The following XKR6 variants were observed in gnomAD, a reference collection of about 807,000 sequenced individuals.
XKR6 encodes the protein XK related 6.
In XKR6, 22 loss-of-function variants were observed where a neutral mutation model predicts 56.7. That is an observed-to-expected ratio of 0.39 (90% CI 0.28 to 0.55). The LOEUF is 0.55. XKR6 is among the 20% of genes least tolerant of loss of function. The pLI, the probability that XKR6 is intolerant of heterozygous loss-of-function variation, is 0.66. For missense variants in XKR6, 852 were observed against 889.0 expected (o/e 0.96, Z 0.53); for synonymous variants, 524 against 387.8 (o/e 1.35, Z -4.13).
chr8:10,971,025 A>G (rs1429518245), intron 1 of XKR6, among the ~76,000 whole-genome samples: 5 of 151,676 alleles, frequency 3.3e-5, no homozygotes, highest in Non-Finnish European at 7.4e-5. Context: ...AACTGCAGTC[A>G]CATTCAACTT....
intron 1 of XKR6, among the ~76,000 whole-genome samples, chr8:11,158,026 T>C (rs1023468469): frequency 1.3e-5 from 2 of 152,140 alleles, no homozygotes; most frequent in African/African-American, 4.8e-5. Flanking sequence ...AACTTAAAAG[T>C]TGGTGATTGG....
intron 1 of XKR6, among the ~76,000 whole-genome samples, chr8:10,989,169 G>T (rs1797931915): frequency 6.6e-6 from 1 of 152,146 alleles, no homozygotes; most frequent in African/African-American, 2.4e-5. Flanking sequence ...TGCCTCACAG[G>T]GGCAATATTC....
intron 1 of XKR6, among the ~76,000 whole-genome samples, chr8:10,993,410 G>A (rs1177736389): frequency 6.6e-6 from 1 of 152,238 alleles, no homozygotes; most frequent in Non-Finnish European, 1.5e-5. Flanking sequence ...TGGTGAGGAG[G>A]GAGGAGGCGG....
At chr8:11,198,697 T>C (rs1318297001) in intron 1 of XKR6, among the ~76,000 whole-genome samples, 2 of 152,210 alleles carry the variant, frequency 1.3e-5, no homozygotes, top group Non-Finnish European at 1.5e-5. Flanking sequence ...TTACTACTAG[T>C]AAGTGTCCAG....
At chr8:10,929,816 A>G (rs1335342243) in intron 1 of XKR6, among the ~76,000 whole-genome samples, 1 of 152,086 alleles carries the variant, frequency 6.6e-6, no homozygotes, top group East Asian at 1.9e-4. Flanking sequence ...GGCAGCCATT[A>G]CTGCTCCCTG....
intron 1 of XKR6, among the ~76,000 whole-genome samples, chr8:11,078,405 G>C (rs1169215162): frequency 2.0e-5 from 3 of 152,162 alleles, no homozygotes; most frequent in Non-Finnish European, 2.9e-5. Flanking sequence ...TTAAATACTG[G>C]TGCTGGGATC....
chr8:11,169,635 A>C (rs1368585073), intron 1 of XKR6, among the ~76,000 whole-genome samples: 1 of 152,188 alleles, frequency 6.6e-6, no homozygotes, highest in Non-Finnish European at 1.5e-5. Context: ...GAGAAAGGAG[A>C]AAATGGGAAG....
intron 1 of XKR6, among the ~76,000 whole-genome samples, chr8:10,990,683 G>A (rs1339501675): frequency 6.6e-6 from 1 of 152,002 alleles, no homozygotes. Context: ...AGCTTCAAGC[G>A]ATCCTCCCAC....
chr8:11,064,047 C>T (rs1267358813), intron 1 of XKR6, among the ~76,000 whole-genome samples: 4 of 152,200 alleles, frequency 2.6e-5, no homozygotes, highest in African/African-American at 4.8e-5. Flanking sequence ...ATCCATCAGT[C>T]CTTCCCTTTC....
intron 1 of XKR6, among the ~76,000 whole-genome samples, chr8:11,047,988 A>G (rs1219342790): frequency 6.6e-6 from 1 of 152,120 alleles, no homozygotes; most frequent in Non-Finnish European, 1.5e-5. Flanking sequence ...AAAATTCTCA[A>G]ACACAGACAT....
At chr8:10,941,590 C>G (rs1801388359) in intron 1 of XKR6, among the ~76,000 whole-genome samples, 3 of 152,244 alleles carry the variant, frequency 2.0e-5, no homozygotes, top group Non-Finnish European at 4.4e-5. Context: ...CCAGCCCCTA[C>G]CAGAGGCCTG....
At chr8:11,062,801 A>C (rs909667860) in intron 1 of XKR6, 26 of 456,046 alleles carry the variant, frequency 5.7e-5, no homozygotes, top group African/African-American at 1.6e-4. Context: ...AGCCAGCCCC[A>C]CCTCCCAGCC....
intron 1 of XKR6, among the ~76,000 whole-genome samples, chr8:11,018,986 C>T (rs1798688667): frequency 6.6e-6 from 1 of 152,150 alleles, no homozygotes; most frequent in African/African-American, 2.4e-5. Flanking sequence ...GCTCCGTGTT[C>T]ACTTCCTCAA....
At chr8:10,902,642 G>A (rs142385737) in intron 2 of XKR6, among the ~76,000 whole-genome samples, 1 of 152,236 alleles carries the variant, frequency 6.6e-6, no homozygotes, top group African/African-American at 2.4e-5. Flanking sequence ...GGCTCTTCAG[G>A]GTTCGAACGC....
chr8:10,944,886 G>T (rs1039054009), intron 1 of XKR6, among the ~76,000 whole-genome samples: 9 of 152,178 alleles, frequency 5.9e-5, no homozygotes, highest in African/African-American at 2.2e-4. Flanking sequence ...GTGGGCTCAG[G>T]GTGCGTGTCT....
chr8:11,170,689 T>A (rs574437313), intron 1 of XKR6, among the ~76,000 whole-genome samples: 42 of 152,330 alleles, frequency 2.8e-4, no homozygotes, highest in Admixed American at 7.2e-4. Context: ...TGGGTAAATT[T>A]TGTAGTACGT....
intron 1 of XKR6, among the ~76,000 whole-genome samples, chr8:11,073,167 T>G (rs957312632): frequency 6.6e-6 from 1 of 152,224 alleles, no homozygotes; most frequent in African/African-American, 2.4e-5. Context: ...CTTGTCTGAT[T>G]GATATCGTCA....
At chr8:11,162,361 C>T (rs1801855767) in intron 1 of XKR6, among the ~76,000 whole-genome samples, 1 of 152,164 alleles carries the variant, frequency 6.6e-6, no homozygotes, top group South Asian at 2.1e-4. Context: ...AAACTCACTC[C>T]AGCTTTAGGG....
At chr8:11,127,809 G>T (rs1322136156) in intron 1 of XKR6, among the ~76,000 whole-genome samples, 1 of 152,122 alleles carries the variant, frequency 6.6e-6, no homozygotes, top group Non-Finnish European at 1.5e-5. Context: ...ACACTGCGGG[G>T]GGCGCCATTA....
Sources: gnomAD v4.1 joint callset for allele counts (sites outside exome capture counted in the v4.1 genomes callset) on GRCh38, gnomAD v4.1.1 for gene constraint, MANE v1.5 for transcripts, NCBI Gene and HGNC (gene_info 2026-07-23, HGNC 2026-07-21) for gene names.